The following CD163L1 variants were observed in gnomAD, a reference collection of about 807,000 sequenced individuals.
The protein encoded by CD163L1 is CD163 molecule like 1, also known as scavenger receptor cysteine-rich type 1 protein M160.
A neutral mutation model predicts 165.4 loss-of-function variants in CD163L1; 124 were observed. The observed-to-expected ratio is 0.75, with a 90% CI of 0.65 to 0.87. CD163L1 has a LOEUF of 0.87. CD163L1 is among the 40% of genes least tolerant of loss of function. The pLI is 0.00. For missense variants in CD163L1, 1,525 were observed against 1,799.9 expected (o/e 0.85, Z 2.76); for synonymous variants, 585 against 662.2 (o/e 0.88, Z 1.79).
At position 7,375,392 on chromosome 12, in the gene CD163L1, C is replaced by A; in HGVS notation, c.2890G>T (p.Gly964Ter). Residue 964 changes from glycine to a stop codon, truncating the protein, a stop_gained, in exon 11 of 20, where the codon GGA becomes TGA. Transcript: ENST00000313599. LOFTEE classifies it high-confidence loss of function. ...TTCCCTAAGCAATGAAACCTGTGTC[C>A]CCACACACGAACACTTCTTTCTCCA... ...YIGERSVRVW[G>*]HRFHCLGNES... 6.2e-7 allele frequency: 1 copy of A among 1,614,110 alleles called. No homozygotes were observed. The highest frequency in any genetic ancestry group is 8.5e-7 in the Non-Finnish European group (1 of 1,180,018).
chr12:7,322,629 C>G, the CD163L1 span: 1 of 1,474,410 alleles, frequency 6.8e-7, no homozygotes, highest in South Asian at 1.4e-5. Flanking sequence ...GCCCCCATCC[C>G]ACTGTAAATT....
At chr12:7,416,196 T>A (rs1021650856) in intron 4 of CD163L1, among the ~76,000 whole-genome samples, 1 of 152,214 alleles carries the variant, frequency 6.6e-6, no homozygotes, top group Non-Finnish European at 1.5e-5. Flanking sequence ...CTTTTTTTCA[T>A]ATGTTTGTTG....
intron 4 of CD163L1, among the ~76,000 whole-genome samples, chr12:7,416,856 C>A (rs1295151745): frequency 2.6e-5 from 4 of 152,122 alleles, no homozygotes; most frequent in Non-Finnish European, 5.9e-5. Context: ...TAGCATGATG[C>A]CTCCAGCTTT....
At chr12:7,366,130 G>A (rs1481708768) in intron 18 of CD163L1, among the ~76,000 whole-genome samples, 1 of 152,062 alleles carries the variant, frequency 6.6e-6, no homozygotes, top group African/African-American at 2.4e-5. Context: ...ATTATGTTAA[G>A]TGAAATAAGC....
Position 7,379,060 on chromosome 12 carries a change from T to C in CD163L1, c.2289A>G (p.Glu763=), listed in dbSNP as rs756248624. ...LMSNSGCTGG[E]ASLWDCIRWE... ...ATCGTATACAATCCCAGAGAGAGGC[T>C]TCCCCTCCAGTGCAGCCAGAATTCG... is the stretch of plus-strand genomic sequence containing the variant. Residue 763 remains glutamate, a synonymous_variant, in exon 9 of 20, where the codon GAA becomes GAG. Coordinates refer to ENST00000313599, the MANE Select transcript of CD163L1 (RefSeq NM_174941.6). 5 of 1,614,040 alleles carry C rather than the reference T, an allele frequency of 3.1e-6. No homozygotes were observed. The highest frequency in any genetic ancestry group is 2.7e-5 in the African/African-American group (2 of 74,912).
chr12:7,416,923 A>C (rs1281103883), intron 4 of CD163L1, among the ~76,000 whole-genome samples: 1 of 152,108 alleles, frequency 6.6e-6, no homozygotes, highest in African/African-American at 2.4e-5. Flanking sequence ...TTCCATATGC[A>C]ATATGAAGTA....
chr12:7,433,242 T>C (rs1172914817), intron 3 of CD163L1, 132 bp downstream of exon 3: 1 of 699,370 alleles, frequency 1.4e-6, no homozygotes, highest in Non-Finnish European at 2.3e-6. Flanking sequence ...AAGGGAAGGG[T>C]AGAATATATA....
intron 4 of CD163L1, among the ~76,000 whole-genome samples, chr12:7,429,087 C>A (rs1405169674): frequency 6.6e-6 from 1 of 151,814 alleles, no homozygotes; most frequent in Non-Finnish European, 1.5e-5. Context: ...CAAGAAAAAA[C>A]TATGTAAAAT....
At chr12:7,341,389 G>A in the CD163L1 span, among the ~76,000 whole-genome samples, 1 of 152,158 alleles carries the variant, frequency 6.6e-6, no homozygotes, top group African/African-American at 2.4e-5. Context: ...CTGTCACTGA[G>A]GAACAAATGT....
rs1358814316 is a variant in CD163L1 at position 7,375,863 on chromosome 12, G to A, written c.2523C>T (p.Ala841=). The A allele has an allele frequency of 8.7e-6, 14 of 1,614,152 alleles. No homozygotes were observed. The highest frequency in any genetic ancestry group is 3.3e-5 in the South Asian group (3 of 91,082). ...VLCRELNCGD[A]ISLSVGDHFG... ...AGTGATCTCCCACAGAAAGAGATAT[G>A]GCATCTCCACAGTTTAATTCTCTGC... The change falls in exon 10 of 20, where the codon GCC becomes GCT. Residue 841 remains alanine, a synonymous_variant. Coordinates refer to ENST00000313599, the MANE Select transcript of CD163L1 (RefSeq NM_174941.6).
chr12:7,326,175 A>G, the CD163L1 span, among the ~76,000 whole-genome samples: 52 of 152,252 alleles, frequency 3.4e-4, no homozygotes, highest in African/African-American at 1.2e-3. Flanking sequence ...ACATAGATCA[A>G]TCCTTCCTGA....
intron 4 of CD163L1, among the ~76,000 whole-genome samples, chr12:7,429,846 T>C (rs1948600826): frequency 6.6e-6 from 1 of 152,190 alleles, no homozygotes; most frequent in African/African-American, 2.4e-5. Context: ...TTTATCATGG[T>C]AATTATCTGC....
At position 7,371,364 on chromosome 12, in the gene CD163L1, C is replaced by T. The variant is rs750347380; in HGVS notation, c.3731-1699G>A. On this transcript the variant is annotated intron_variant, in intron 14 of 19. Transcript: ENST00000313599. Reference sequence around the variant, plus strand: ...CAAAATAGCTATAGTTATTCTCTTTCAAATATTGAAACACAATGATTTTAT... The same window carrying T: ...CAAAATAGCTATAGTTATTCTCTTTTAAATATTGAAACACAATGATTTTAT... Among the ~76,000 whole-genome samples the T allele has an allele frequency of 6.6e-4, 101 of 152,190 alleles. 1 individual carries two copies. Among genetic ancestry groups the T allele is most frequent in the African/African-American group, 1.6e-3 (67 of 41,516 alleles).
chr12:7,362,859 T>C (rs1198095404), intron 18 of CD163L1, among the ~76,000 whole-genome samples: 3 of 151,368 alleles, frequency 2.0e-5, no homozygotes, highest in African/African-American at 7.3e-5. Flanking sequence ...CAATTTGCAA[T>C]TGCAAAACCA....
At chr12:7,342,331 A>G (rs932849486), downstream of CD163L1, among the ~76,000 whole-genome samples, 1 of 152,242 alleles carries the variant, frequency 6.6e-6, no homozygotes, top group South Asian at 2.1e-4. Context: ...CCTTAAGGAC[A>G]TGCTCCTGCT....
rs759434174 is a variant in CD163L1 at position 7,396,144 on chromosome 12, C to T, written c.2001G>A (p.Trp667Ter). 6.2e-7 allele frequency: 1 copy of T among 1,614,058 alleles called. No homozygotes were observed. The highest frequency in any genetic ancestry group is 1.1e-5 in the South Asian group (1 of 91,074). The change falls in exon 8 of 20, where the codon TGG becomes TGA. Residue 667 changes from tryptophan to a stop codon, truncating the protein, a stop_gained. Coordinates refer to ENST00000313599, the MANE Select transcript of CD163L1 (RefSeq NM_174941.6). LOFTEE classifies it high-confidence loss of function. ...SDLWSCRNSG[W>*]GNNDCSHSED... is the part of the protein sequence containing the mutation. Reference sequence around the variant, plus strand: ...CACTGTGACTGCAGTCATTATTTCCCCACCCACTGTTCCTGCATGACCAGA... The same window carrying T: ...CACTGTGACTGCAGTCATTATTTCCTCACCCACTGTTCCTGCATGACCAGA...
At chr12:7,422,185 C>T (rs1362498958) in intron 4 of CD163L1, among the ~76,000 whole-genome samples, 1 of 152,028 alleles carries the variant, frequency 6.6e-6, no homozygotes, top group Non-Finnish European at 1.5e-5. Flanking sequence ...TGCAGCAGAC[C>T]TGGAGAAGAG....
intron 8 of CD163L1, among the ~76,000 whole-genome samples, chr12:7,395,465 G>A (rs1947752988): frequency 6.6e-6 from 1 of 152,108 alleles, no homozygotes. Flanking sequence ...ACTGGGGGAG[G>A]GATAGCATTA....
chr12:7,337,861 T>A, the CD163L1 span, among the ~76,000 whole-genome samples: 1 of 152,214 alleles, frequency 6.6e-6, no homozygotes, highest in Non-Finnish European at 1.5e-5. Context: ...TAAAGTCACA[T>A]ACACACGTAT....
Sources: gnomAD v4.1 joint callset for allele counts (sites outside exome capture counted in the v4.1 genomes callset) on GRCh38, gnomAD v4.1.1 for gene constraint, MANE v1.5 for transcripts, NCBI Gene and HGNC (gene_info 2026-07-23, HGNC 2026-07-21) for gene names.